BMPER: variants seen among roughly 807,000 people sequenced by gnomAD.
BMPER encodes the protein BMP binding endothelial regulator.
A neutral mutation model predicts 87.3 loss-of-function variants in BMPER; 45 were observed. The ratio of observed to expected loss-of-function variants is 0.52; its 90% CI spans 0.41 to 0.66. The LOEUF is 0.66. Ranked by LOEUF, BMPER falls within the 30% of genes least tolerant of loss-of-function variation. The pLI, the probability that BMPER is intolerant of heterozygous loss-of-function variation, is 0.00. For missense variants in BMPER, 784 were observed against 867.5 expected (o/e 0.90, Z 1.21); for synonymous variants, 326 against 316.2 (o/e 1.03, Z -0.33).
intron 6 of BMPER, among the ~76,000 whole-genome samples, chr7:34,024,390 TA>T (rs1787297856): frequency 1.5e-4 from 1 of 6,510 alleles, no homozygotes; most frequent in Admixed American, 1.6e-3. Flanking sequence ...AAACAATATA[TA>T]TATATATATA....
At chr7:33,941,481 A>G (rs1784764960) in intron 3 of BMPER, among the ~76,000 whole-genome samples, 1 of 151,958 alleles carries the variant, frequency 6.6e-6, no homozygotes. Context: ...GTAATGTGTC[A>G]TATATAACTC....
chr7:34,115,369 C>G (rs1261275841), intron 13 of BMPER, among the ~76,000 whole-genome samples: 7 of 152,152 alleles, frequency 4.6e-5, no homozygotes, highest in Non-Finnish European at 1.5e-5. Context: ...ATAATTCACC[C>G]ATTGAAAATA....
chr7:33,913,491 T>C lies in BMPER; in HGVS notation c.219+6588T>C, dbSNP rs960947210. On this transcript the variant is annotated intron_variant, in intron 2 of 14. Transcript: ENST00000649409. ...TGGACAACAGACTGCAGCGATGTTG[T>C]GTGGTCAGGTGAGAGCAAGCAGCCT... 2.0e-5 allele frequency among the ~76,000 whole-genome samples: 3 copies of C among 152,172 alleles called. 1 individual carries two copies. In the South Asian group the frequency reaches 6.2e-4, roughly 32 times the overall value.
chr7:33,930,531 T>G (rs1196745201), intron 2 of BMPER, among the ~76,000 whole-genome samples: 3 of 152,218 alleles, frequency 2.0e-5, no homozygotes, highest in African/African-American at 7.2e-5. Flanking sequence ...AGGTATAAGC[T>G]TGCATTCTCT....
At chr7:33,945,142 C>T (rs191450805) in intron 3 of BMPER, among the ~76,000 whole-genome samples, 36 of 151,972 alleles carry the variant, frequency 2.4e-4, no homozygotes, top group East Asian at 5.8e-4. Context: ...AGGGTTTCAC[C>T]GTGTTAGCCA....
At chr7:34,041,277 A>T (rs1021465399) in intron 6 of BMPER, among the ~76,000 whole-genome samples, 2 of 152,070 alleles carry the variant, frequency 1.3e-5, no homozygotes, top group African/African-American at 2.4e-5. Context: ...TCTTCTGGAG[A>T]CTTACGTAAA....
chr7:33,919,190 A>G (rs376354707), intron 2 of BMPER, among the ~76,000 whole-genome samples: 9 of 152,306 alleles, frequency 5.9e-5, no homozygotes, highest in African/African-American at 2.2e-4. Context: ...TGGAGTCCCT[A>G]GATTTTGGAG....
At chr7:33,924,425 C>G (rs538357401) in intron 2 of BMPER, among the ~76,000 whole-genome samples, 1 of 152,184 alleles carries the variant, frequency 6.6e-6, no homozygotes, top group African/African-American at 2.4e-5. Flanking sequence ...TGGCCCTGCG[C>G]GCTGCGGCTC....
chr7:34,079,303 G>C, intron 12 of BMPER, 117 bp downstream of exon 12: 2 of 1,355,354 alleles, frequency 1.5e-6, no homozygotes, highest in South Asian at 2.6e-5. Flanking sequence ...AAAACCCAAG[G>C]CAGAGCCAGG....
chr7:34,063,702 T>C (rs1385197420), intron 11 of BMPER, among the ~76,000 whole-genome samples: 1 of 152,182 alleles, frequency 6.6e-6, no homozygotes, highest in Non-Finnish European at 1.5e-5. Context: ...TAATCATCCT[T>C]CCAGAAACCC....
chr7:34,148,104 A>T (rs1243378752), intron 14 of BMPER, among the ~76,000 whole-genome samples: 2 of 152,220 alleles, frequency 1.3e-5, no homozygotes, highest in South Asian at 2.1e-4. Context: ...CTCAAGGTCC[A>T]TGTCTCTAAC....
intron 13 of BMPER, among the ~76,000 whole-genome samples, chr7:34,138,074 A>G (rs1480028987): frequency 6.6e-6 from 1 of 152,218 alleles, no homozygotes; most frequent in Non-Finnish European, 1.5e-5. Context: ...ACCTGCTGCC[A>G]TTGAACATTT....
At chr7:34,055,808 G>T (rs1247969672) in intron 9 of BMPER, among the ~76,000 whole-genome samples, 1 of 152,202 alleles carries the variant, frequency 6.6e-6, no homozygotes, top group East Asian at 1.9e-4. Flanking sequence ...AATGGAAAAG[G>T]TTGTCTTTTG....
intron 14 of BMPER, among the ~76,000 whole-genome samples, chr7:34,144,028 T>C (rs1452918303): frequency 1.3e-5 from 2 of 152,060 alleles, no homozygotes; most frequent in African/African-American, 2.4e-5. Flanking sequence ...AATAAAAACT[T>C]ACAAATTACA....
chr7:34,037,742 G>A (rs1390279321), intron 6 of BMPER, among the ~76,000 whole-genome samples: 3 of 152,206 alleles, frequency 2.0e-5, no homozygotes, highest in Admixed American at 1.3e-4. Context: ...GTCCATCAGC[G>A]CTTATAATTT....
At chr7:34,044,388 C>A (rs373061455) in intron 6 of BMPER, among the ~76,000 whole-genome samples, 4 of 152,216 alleles carry the variant, frequency 2.6e-5, no homozygotes, top group African/African-American at 9.6e-5. Context: ...AGAATGTATT[C>A]TCTGTGCACC....
At chr7:33,993,883 G>C (rs1035667472) in intron 6 of BMPER, among the ~76,000 whole-genome samples, 2 of 152,072 alleles carry the variant, frequency 1.3e-5, no homozygotes, top group African/African-American at 4.8e-5. Context: ...CATGCAGTGT[G>C]AGGTGTCAGT....
chr7:34,100,519 T>C (rs551370012), intron 13 of BMPER, among the ~76,000 whole-genome samples: 1 of 152,274 alleles, frequency 6.6e-6, no homozygotes, highest in Admixed American at 6.5e-5. Context: ...TGTGCACCCA[T>C]CCCAAAGGCT....
At chr7:33,997,380 A>G (rs895755564) in intron 6 of BMPER, among the ~76,000 whole-genome samples, 2 of 152,026 alleles carry the variant, frequency 1.3e-5, no homozygotes, top group African/African-American at 4.8e-5. Flanking sequence ...TGAGGGAGGG[A>G]CCTGGTGGGA....
Sources: allele counts gnomAD v4.1 joint callset (sites outside exome capture counted in the v4.1 genomes callset), GRCh38; gene constraint gnomAD v4.1.1; transcripts MANE v1.5; gene names NCBI Gene and HGNC (gene_info 2026-07-23, HGNC 2026-07-21).